KIAA1549L: variants seen among roughly 807,000 people sequenced by gnomAD.
KIAA1549L encodes KIAA1549 like.
A neutral mutation model predicts 160.7 loss-of-function variants in KIAA1549L; 88 were observed. The ratio of observed to expected loss-of-function variants is 0.55; its 90% CI spans 0.46 to 0.65. The LOEUF (loss-of-function observed/expected upper bound fraction) is 0.65. Among genes scored for constraint, KIAA1549L ranks in the 30% least tolerant of loss-of-function variants. The pLI is 0.00. For synonymous variants in KIAA1549L, 950 were observed against 976.7 expected, an observed-to-expected ratio of 0.97 and a Z score of 0.51; for missense variants, 2,258 against 2,437.5, an observed-to-expected ratio of 0.93 and a Z score of 1.55.
intron 14 of KIAA1549L, 97 bp downstream of exon 14, chr11:33,606,919 C>T (rs1218253796): frequency 1.5e-5 from 16 of 1,057,848 alleles, no homozygotes; most frequent in Non-Finnish European, 2.2e-5. Flanking sequence ...GCAGATTGCA[C>T]CTAGGGCCGT....
At chr11:33,403,523 C>T (rs1164929823) in intron 1 of KIAA1549L, 13 of 148,222 alleles carry the variant, frequency 8.8e-5, no homozygotes, top group East Asian at 2.0e-4. Flanking sequence ...TGGACAGACA[C>T]GCAGACACAC....
rs1852572500 is a variant in KIAA1549L at position 33,668,770 on chromosome 11, T to C, written c.*616T>C. ...CCTATAAATAGACCTGATTCTTTGTTTCCCTCGTCAATTAAACAAAGGCCA... is the reference window on the plus strand; with the variant it reads ...CCTATAAATAGACCTGATTCTTTGTCTCCCTCGTCAATTAAACAAAGGCCA... On this transcript the variant is annotated 3_prime_UTR_variant, in exon 21 of 21. Coordinates refer to ENST00000658780, the MANE Select transcript of KIAA1549L (RefSeq NM_012194.3). 1 of 152,270 alleles carries C rather than the reference T, an allele frequency of 6.6e-6. No individual in the cohort carries two copies. Among genetic ancestry groups the C allele is most frequent in the African/African-American group, 2.4e-5 (1 of 41,444 alleles). 9.4% of individuals were successfully genotyped at this position (152,270 alleles called of 1,614,324 possible).
chr11:33,540,913 C>T (rs1474694418), intron 1 of KIAA1549L, among the ~76,000 whole-genome samples: 2 of 152,168 alleles, frequency 1.3e-5, no homozygotes, highest in Non-Finnish European at 2.9e-5. Flanking sequence ...GGCTTATACC[C>T]TGATGAGTTC....
intron 1 of KIAA1549L, among the ~76,000 whole-genome samples, chr11:33,516,306 T>C (rs112456122): frequency 3.3e-5 from 2 of 61,466 alleles, no homozygotes; most frequent in Non-Finnish European, 5.7e-5. Context: ...CGCCCGCCAC[T>C]ACGCCCGGCT....
chr11:33,501,639 C>A (rs1590292380), intron 1 of KIAA1549L, among the ~76,000 whole-genome samples: 1 of 152,032 alleles, frequency 6.6e-6, no homozygotes, highest in African/African-American at 2.4e-5. Flanking sequence ...AAATAAACAG[C>A]AATTACCAAG....
intron 6 of KIAA1549L, among the ~76,000 whole-genome samples, chr11:33,558,141 TAGGA>T (rs974732087): frequency 5.9e-5 from 9 of 152,278 alleles, no homozygotes; most frequent in African/African-American, 2.2e-4. Context: ...ATTTTTTTAA[TAGGA>T]AGGTGGCAGA....
rs1854035778 is a variant in KIAA1549L at position 33,542,014 on chromosome 11, G to A, written c.451G>A (p.Ala151Thr). 2 of 453,224 alleles carry A rather than the reference G, an allele frequency of 4.4e-6. No individual in the cohort carries two copies. Among genetic ancestry groups the A allele is most frequent in the Non-Finnish European group, 8.9e-6 (2 of 224,660 alleles). The allele number at this position is 453,224 out of a possible 1,614,324, so 28.1% of individuals were successfully genotyped here. The change falls in exon 2 of 21, where the codon GCT becomes ACT. Residue 151 changes from alanine to threonine, a missense_variant. This residue lies in a region of KIAA1549L where 540 missense variants were observed against 465.7 expected (regional missense o/e 1.16). Transcript: ENST00000658780. ...PASKTHHRTR[A>T]HADFSSSLYQ... ...GTCCAAGACACACCACAGAACTAGG[G>A]CTCACGCGGACTTCTCTTCTTCCCT...
rs577107684 is a variant in KIAA1549L, at chr11:33,503,994, G to T, written c.239-37808G>T. ...AAATCTTCCCCAGCTGGGCACAGTGGCTCATGCCTGTAGTCCCAGCACTGG... is the reference window on the plus strand; with the variant it reads ...AAATCTTCCCCAGCTGGGCACAGTGTCTCATGCCTGTAGTCCCAGCACTGG... On this transcript the variant is annotated intron_variant, in intron 1 of 20. Transcript: ENST00000658780. 2.2e-3 allele frequency among the ~76,000 whole-genome samples: 330 copies of T among 152,368 alleles called. 2 individuals are homozygous for T. The highest frequency in any genetic ancestry group is 7.5e-3 in the African/African-American group (313 of 41,592).
At position 33,542,025 on chromosome 11, in the gene KIAA1549L, C is replaced by T. The variant is rs1462643383; in HGVS notation, c.462C>T (p.Asp154=). 1 of 457,590 alleles carries T rather than the reference C, an allele frequency of 2.2e-6. No individual in the cohort carries two copies. The highest frequency in any genetic ancestry group is 4.4e-6 in the Non-Finnish European group (1 of 227,402). The allele number at this position is 457,590 out of a possible 1,614,324, so 28.3% of individuals were successfully genotyped here. Residue 154 remains aspartate, a synonymous_variant, in exon 2 of 21, where the codon GAC becomes GAT. Coordinates refer to ENST00000658780, the MANE Select transcript of KIAA1549L (RefSeq NM_012194.3). ...ACCACAGAACTAGGGCTCACGCGGACTTCTCTTCTTCCCTTTACCAAGGAA... is the reference window on the plus strand; with the variant it reads ...ACCACAGAACTAGGGCTCACGCGGATTTCTCTTCTTCCCTTTACCAAGGAA... ...KTHHRTRAHA[D]FSSSLYQGSG...
intron 1 of KIAA1549L, among the ~76,000 whole-genome samples, chr11:33,436,174 AG>A: frequency 6.6e-6 from 1 of 152,172 alleles, no homozygotes; most frequent in East Asian, 1.9e-4. Context: ...TGGTACCTGC[AG>A]GGATCCTGGA....
intron 13 of KIAA1549L, 41 bp downstream of exon 13, chr11:33,598,988 C>T: frequency 6.2e-7 from 1 of 1,608,036 alleles, no homozygotes; most frequent in African/African-American, 1.3e-5. Flanking sequence ...CAGCTGCTCC[C>T]ACGCGTGCCC....
chr11:33,440,749 CTTCT>C (rs1207382633), intron 1 of KIAA1549L, among the ~76,000 whole-genome samples: 3 of 152,016 alleles, frequency 2.0e-5, no homozygotes, highest in Non-Finnish European at 4.4e-5. Flanking sequence ...CATCTCAGAC[CTTCT>C]TTTCTGAGCA....
intron 17 of KIAA1549L, among the ~76,000 whole-genome samples, chr11:33,648,113 G>A (rs1394757289): frequency 6.6e-6 from 1 of 152,032 alleles, no homozygotes; most frequent in Non-Finnish European, 1.5e-5. Flanking sequence ...TCGTGCCTCA[G>A]CCTCCCGAGT....
chr11:33,480,429 C>T (rs189486512), intron 1 of KIAA1549L, among the ~76,000 whole-genome samples: 1 of 152,324 alleles, frequency 6.6e-6, no homozygotes, highest in Admixed American at 6.5e-5. Context: ...TTTGCTCGTT[C>T]ATGAGTGAAT....
At position 33,545,164 on chromosome 11, in the gene KIAA1549L, C is replaced by A; in HGVS notation, c.3171C>A (p.Asn1057Lys). ...AMHTGLPNPTNLEMPRASTPR... is the reference protein window; with the variant it reads ...AMHTGLPNPTKLEMPRASTPR... ...ACACCGGCCTCCCAAACCCCACCAA[C>A]CTGGAGATGCCCAGAGCATCCACGC... Residue 1057 changes from asparagine to lysine, a missense_variant, in exon 3 of 21, where the codon AAC (asparagine) becomes AAA (lysine). Physicochemically the swap from Asn to Lys is moderately conservative, Grantham distance 94. Around this residue, in one of 6 missense-constraint regions of KIAA1549L, gnomAD observed 1,359 missense variants for 1,546.6 expected, o/e 0.88. Coordinates refer to ENST00000658780, the MANE Select transcript of KIAA1549L (RefSeq NM_012194.3). 6.2e-7 allele frequency: 1 copy of A among 1,614,048 alleles called. No individual in the cohort carries two copies. Among genetic ancestry groups the A allele is most frequent in the Non-Finnish European group, 8.5e-7 (1 of 1,179,896 alleles).
chr11:33,493,414 T>C (rs1390792282), intron 1 of KIAA1549L, among the ~76,000 whole-genome samples: 3 of 152,300 alleles, frequency 2.0e-5, no homozygotes, highest in African/African-American at 7.2e-5. Flanking sequence ...AATAAATGTC[T>C]TTTCTTTATA....
At chr11:33,487,833 C>G (rs1392370778) in intron 1 of KIAA1549L, among the ~76,000 whole-genome samples, 1 of 152,076 alleles carries the variant, frequency 6.6e-6, no homozygotes, top group Non-Finnish European at 1.5e-5. Context: ...CACAGTTGAT[C>G]AGGATTGGTT....
chr11:33,495,577 C>T (rs897923742), intron 1 of KIAA1549L, among the ~76,000 whole-genome samples: 6 of 152,162 alleles, frequency 3.9e-5, no homozygotes, highest in African/African-American at 1.4e-4. Context: ...AATAATGCCG[C>T]AATAAGCATA....
At chr11:33,610,855 G>A (rs1236634803) in intron 15 of KIAA1549L, among the ~76,000 whole-genome samples, 1 of 152,196 alleles carries the variant, frequency 6.6e-6, no homozygotes, top group African/African-American at 2.4e-5. Flanking sequence ...CAAGATCAAG[G>A]TGCCAGCATC....
Sources: gnomAD v4.1 joint callset for allele counts (sites outside exome capture counted in the v4.1 genomes callset) on GRCh38, gnomAD v4.1.1 for gene constraint, gnomAD v4.1.1 regional missense constraint, MANE v1.5 for transcripts, NCBI Gene and HGNC (gene_info 2026-07-23, HGNC 2026-07-21) for gene names.